The following TECRL variants were observed in gnomAD, a reference collection of about 807,000 sequenced individuals.
The protein encoded by TECRL is trans-2,3-enoyl-CoA reductase-like.
Under a neutral mutation model 52.8 loss-of-function variants are expected in TECRL, and 63 were observed. The observed-to-expected ratio is 1.19, with a 90% CI of 0.97 to 1.47. The LOEUF (loss-of-function observed/expected upper bound fraction) is 1.47, where lower values mean the gene tolerates loss of function less well. Ranked by LOEUF, TECRL falls within the 40% of genes most tolerant of loss-of-function variation. TECRL has a pLI of 0.00. For missense variants in TECRL, 482 were observed against 429.6 expected (o/e 1.12, Z -1.08); for synonymous variants, 164 against 141.9 (o/e 1.16, Z -1.10).
chr4:64,362,597 T>G (rs1313205777), intron 2 of TECRL, among the ~76,000 whole-genome samples: 3 of 150,584 alleles, frequency 2.0e-5, no homozygotes, highest in African/African-American at 7.3e-5. Context: ...TAATATCCAG[T>G]CAATTGAGCT....
chr4:64,301,517 A>G (rs1005502494), intron 7 of TECRL, among the ~76,000 whole-genome samples: 3 of 151,218 alleles, frequency 2.0e-5, no homozygotes, highest in Non-Finnish European at 4.5e-5. Context: ...CACAAAGCCA[A>G]AGTCAATCTT....
chr4:64,395,230 T>G (rs1389001346), intron 1 of TECRL, among the ~76,000 whole-genome samples: 3 of 152,086 alleles, frequency 2.0e-5, no homozygotes, highest in Non-Finnish European at 4.4e-5. Context: ...AAACGTGAAT[T>G]TTTTTAAGCC....
chr4:64,316,962 C>A (rs1049596795), intron 4 of TECRL, among the ~76,000 whole-genome samples: 1 of 152,154 alleles, frequency 6.6e-6, no homozygotes, highest in Admixed American at 6.5e-5. Flanking sequence ...GAATCTTCAA[C>A]GTGATATATG....
At chr4:64,310,211 A>G (rs1724590528) in intron 5 of TECRL, among the ~76,000 whole-genome samples, 1 of 152,208 alleles carries the variant, frequency 6.6e-6, no homozygotes, top group African/African-American at 2.4e-5. Context: ...CACCTGTCCC[A>G]GGAGTGGGTA....
chr4:64,406,164 G>GCA (rs1321901697), intron 1 of TECRL, among the ~76,000 whole-genome samples: 1 of 149,306 alleles, frequency 6.7e-6, no homozygotes, highest in Non-Finnish European at 1.5e-5. Context: ...GCGCGCGCGC[G>GCA]CGTGTGTGTG....
At chr4:64,346,553 C>T (rs1720001150) in intron 2 of TECRL, among the ~76,000 whole-genome samples, 1 of 152,266 alleles carries the variant, frequency 6.6e-6, no homozygotes, top group African/African-American at 2.4e-5. Context: ...GAAGCCTAAG[C>T]TGTACATTGG....
intron 1 of TECRL, among the ~76,000 whole-genome samples, chr4:64,391,773 T>C (rs1723564739): frequency 6.6e-6 from 1 of 151,838 alleles, no homozygotes; most frequent in Non-Finnish European, 1.5e-5. Flanking sequence ...TTTATAAATA[T>C]GCCTCCCATT....
intron 2 of TECRL, among the ~76,000 whole-genome samples, chr4:64,369,170 C>T (rs983531935): frequency 1.3e-5 from 2 of 152,112 alleles, no homozygotes; most frequent in African/African-American, 4.8e-5. Context: ...ATGTTTATGA[C>T]ACAGAGTCAG....
chr4:64,302,890 A>T (rs1046584634), intron 7 of TECRL, among the ~76,000 whole-genome samples: 1 of 151,298 alleles, frequency 6.6e-6, no homozygotes, highest in Non-Finnish European at 1.5e-5. Flanking sequence ...TTACCTTGTC[A>T]TAGTTGCTCT....
chr4:64,364,172 A>C (rs182747051), intron 2 of TECRL, among the ~76,000 whole-genome samples: 20 of 152,198 alleles, frequency 1.3e-4, no homozygotes, highest in African/African-American at 4.6e-4. Context: ...TGGGTAAATA[A>C]TAAAATTAGG....
chr4:64,349,219 G>A (rs1023028733), intron 2 of TECRL, among the ~76,000 whole-genome samples: 1 of 147,752 alleles, frequency 6.8e-6, no homozygotes, highest in Non-Finnish European at 1.5e-5. Flanking sequence ...CACAACCTCT[G>A]CCTCCTGGGT....
intron 1 of TECRL, among the ~76,000 whole-genome samples, chr4:64,383,153 C>T (rs1315324039): frequency 2.0e-5 from 3 of 152,058 alleles, no homozygotes; most frequent in African/African-American, 7.2e-5. Context: ...ATGAAGATTC[C>T]TTTATATGTG....
chr4:64,360,750 G>A (rs78344359), intron 2 of TECRL, among the ~76,000 whole-genome samples: 3,137 of 152,214 alleles, frequency 0.021, 109 homozygotes, highest in African/African-American at 0.071. Flanking sequence ...ATGGCTCCTG[G>A]GGAAAGGGTG....
In TECRL at chr4:64,392,914, C is replaced by T. The variant is rs138113398; in HGVS notation, c.234+16204G>A. Among the ~76,000 whole-genome samples the T allele has an allele frequency of 2.3e-3, 352 of 152,064 alleles. 2 individuals carry two copies. The highest frequency in any genetic ancestry group is 8.1e-3 in the African/African-American group (338 of 41,564). On this transcript the variant is annotated intron_variant, in intron 1 of 11. Coordinates refer to ENST00000381210, the MANE Select transcript of TECRL (RefSeq NM_001010874.5). ...TCACAAATGAACAATTAAGCCATCT[C>T]TACATCATGTAAATATGTCTTCCAG...
chr4:64,401,092 G>T (rs549707269), intron 1 of TECRL, among the ~76,000 whole-genome samples: 131 of 152,180 alleles, frequency 8.6e-4, no homozygotes, highest in African/African-American at 3.1e-3. Flanking sequence ...TTTCTTCTCC[G>T]TTTTATAGAA....
intron 2 of TECRL, among the ~76,000 whole-genome samples, chr4:64,369,922 A>G (rs1281325221): frequency 6.6e-6 from 1 of 151,904 alleles, no homozygotes; most frequent in African/African-American, 2.4e-5. Flanking sequence ...AGTGCTACAC[A>G]TTGTGATTAA....
intron 2 of TECRL, among the ~76,000 whole-genome samples, chr4:64,332,849 C>T (rs1721108985): frequency 6.6e-6 from 1 of 151,624 alleles, no homozygotes; most frequent in Non-Finnish European, 1.5e-5. Flanking sequence ...ACATGATGAG[C>T]AATGAAAAAG....
chr4:64,347,970 T>G (rs1282959298), intron 2 of TECRL, among the ~76,000 whole-genome samples: 1 of 152,196 alleles, frequency 6.6e-6, no homozygotes, highest in Non-Finnish European at 1.5e-5. Flanking sequence ...CACATCTTCC[T>G]GTCTTCTTCT....
At position 64,332,530 on chromosome 4, in the gene TECRL, C is replaced by A. The variant is rs779106246; in HGVS notation, c.287-3974G>T. Reference sequence around the variant, plus strand: ...GAACGAAGAATGCTAGAAGACAAGACATGATGAAAAACCAGGGGGAAATTA... The same window carrying A: ...GAACGAAGAATGCTAGAAGACAAGAAATGATGAAAAACCAGGGGGAAATTA... On this transcript the variant is annotated intron_variant, in intron 2 of 11. Transcript: ENST00000381210. 5.9e-5 allele frequency among the ~76,000 whole-genome samples: 9 copies of A among 152,068 alleles called. No individual in the cohort carries two copies. In the South Asian group the frequency reaches 1.0e-3, roughly 17 times the overall value.
Sources: gnomAD v4.1 joint callset for allele counts (sites outside exome capture counted in the v4.1 genomes callset) on GRCh38, gnomAD v4.1.1 for gene constraint, MANE v1.5 for transcripts, NCBI Gene and HGNC (gene_info 2026-07-23, HGNC 2026-07-21) for gene names.